The following BMERB1 variants were observed in gnomAD, a reference collection of about 807,000 sequenced individuals.
BMERB1 encodes the protein bMERB domain-containing protein 1.
BMERB1 carries 12 observed loss-of-function variants against 23.6 expected under a neutral mutation model. The observed-to-expected ratio is 0.51, with a 90% CI of 0.33 to 0.82. The LOEUF is 0.82. BMERB1 is among the 40% of genes least tolerant of loss of function. The pLI is 0.03. For synonymous variants in BMERB1, 122 were observed against 96.6 expected (o/e 1.26, Z -1.54); for missense variants, 247 against 255.4 (o/e 0.97, Z 0.22).
intron 1 of BMERB1, among the ~76,000 whole-genome samples, chr16:15,472,910 T>G (rs1328468929): frequency 6.7e-6 from 1 of 148,326 alleles, no homozygotes; most frequent in African/African-American, 2.5e-5. Flanking sequence ...CAGGCTGGAG[T>G]GCAGTGGCAT....
chr16:15,554,214 T>G (rs1014003202), intron 2 of BMERB1, among the ~76,000 whole-genome samples: 4 of 152,160 alleles, frequency 2.6e-5, no homozygotes, highest in Non-Finnish European at 4.4e-5. Context: ...GGCTGGAGCT[T>G]TCACAGTCCC....
At chr16:15,585,240 G>A (rs1367311225) in intron 5 of BMERB1, among the ~76,000 whole-genome samples, 2 of 152,318 alleles carry the variant, frequency 1.3e-5, no homozygotes, top group East Asian at 1.9e-4. Flanking sequence ...TAGCAGCATG[G>A]AGGAGGAGCA....
intron 3 of BMERB1, among the ~76,000 whole-genome samples, chr16:15,571,530 ATTTT>A (rs1311315227): frequency 6.6e-6 from 1 of 151,690 alleles, no homozygotes; most frequent in East Asian, 1.9e-4. Flanking sequence ...AATTTTTTGT[ATTTT>A]TAGTAGAGGT....
intron 2 of BMERB1, among the ~76,000 whole-genome samples, chr16:15,536,331 C>G (rs1044416205): frequency 6.6e-6 from 1 of 152,052 alleles, no homozygotes; most frequent in Non-Finnish European, 1.5e-5. Context: ...GCTTGGCAGA[C>G]GAGGCAGCAG....
intron 1 of BMERB1, among the ~76,000 whole-genome samples, chr16:15,486,429 C>G (rs897354159): frequency 1.3e-5 from 2 of 152,178 alleles, no homozygotes; most frequent in African/African-American, 4.8e-5. Flanking sequence ...TACCTCTTGA[C>G]TGTTTTTCTC....
chr16:15,525,784 C>G (rs927633310), intron 2 of BMERB1, among the ~76,000 whole-genome samples: 1 of 151,950 alleles, frequency 6.6e-6, no homozygotes, highest in Non-Finnish European at 1.5e-5. Flanking sequence ...GGTTCTGTTT[C>G]TCTGGAGAAC....
intron 2 of BMERB1, among the ~76,000 whole-genome samples, chr16:15,542,316 A>C (rs2052094375): frequency 6.6e-6 from 1 of 150,934 alleles, no homozygotes; most frequent in Non-Finnish European, 1.5e-5. Flanking sequence ...GCCGGCCTGG[A>C]CCTCCCAAAG....
chr16:15,498,580 TGGGAA>T (rs149744375), intron 1 of BMERB1, among the ~76,000 whole-genome samples: 2,616 of 111,894 alleles, frequency 0.023, 73 homozygotes, highest in African/African-American at 0.08. Context: ...CAAAAGGAAA[TGGGAA>T]GGGAAGGGAA....
At chr16:15,525,222 T>G (rs933398652) in intron 2 of BMERB1, among the ~76,000 whole-genome samples, 1 of 152,308 alleles carries the variant, frequency 6.6e-6, no homozygotes, top group East Asian at 1.9e-4. Context: ...GCCTGATTGC[T>G]TGGGCTGGGA....
intron 1 of BMERB1, 23 bp downstream of exon 1, chr16:15,434,782 G>A (rs1397048198): frequency 4.4e-6 from 2 of 459,264 alleles, no homozygotes; most frequent in Non-Finnish European, 8.5e-6. Flanking sequence ...GCGGGGGGCG[G>A]GGGGCCGGGG....
rs758973857 is a variant in BMERB1, at chr16:15,587,484, T to C, written c.*655T>C. On this transcript the variant is annotated 3_prime_UTR_variant, in exon 6 of 6. Transcript: ENST00000300006. ...ACAGTTCACATCAGGACAGCGTCCA[T>C]TGTGCTCTCAGTCTGCCTCAGGTGT... 1.6e-5 allele frequency: 7 copies of C among 427,148 alleles called. No homozygotes were observed. Among genetic ancestry groups the C allele is most frequent in the African/African-American group, 4.1e-5 (2 of 49,080 alleles). 26.5% of individuals were successfully genotyped at this position (427,148 alleles called of 1,614,324 possible). A position where few individuals can be genotyped will look rare whatever the true frequency, so the allele number is the denominator to read the frequency against.
At chr16:15,495,127 G>A (rs374212236) in intron 1 of BMERB1, among the ~76,000 whole-genome samples, 44 of 151,904 alleles carry the variant, frequency 2.9e-4, no homozygotes, top group Non-Finnish European at 5.2e-4. Flanking sequence ...CAAGTGATCC[G>A]CCTACCTCGG....
chr16:15,516,354 A>C (rs1441667436), intron 2 of BMERB1, among the ~76,000 whole-genome samples: 1 of 152,198 alleles, frequency 6.6e-6, no homozygotes, highest in Admixed American at 6.5e-5. Context: ...CAGGGGTTCA[A>C]GACTGCAGTG....
At chr16:15,562,060 C>T (rs1164372734) in intron 2 of BMERB1, among the ~76,000 whole-genome samples, 1 of 151,906 alleles carries the variant, frequency 6.6e-6, no homozygotes, top group Non-Finnish European at 1.5e-5. Flanking sequence ...ATCATCCCAG[C>T]ACTTTGGGAA....
chr16:15,502,435 C>T (rs1781730651), intron 1 of BMERB1: 13 of 1,404,338 alleles, frequency 9.3e-6, no homozygotes, highest in Admixed American at 2.0e-5. Flanking sequence ...TGGGAGAAAT[C>T]GAGCAGCCAG....
intron 1 of BMERB1, among the ~76,000 whole-genome samples, chr16:15,498,213 A>G (rs1266290199): frequency 1.3e-5 from 2 of 151,914 alleles, no homozygotes; most frequent in East Asian, 3.9e-4. Flanking sequence ...GGTAAGTCTC[A>G]TACCTGTGCC....
intron 1 of BMERB1, among the ~76,000 whole-genome samples, chr16:15,501,752 C>T (rs1360464038): frequency 1.3e-5 from 2 of 152,022 alleles, no homozygotes; most frequent in East Asian, 1.9e-4. Flanking sequence ...GGATTACAGG[C>T]GTGAGTGAGC....
intron 1 of BMERB1, among the ~76,000 whole-genome samples, chr16:15,473,770 T>A (rs2051251947): frequency 6.6e-6 from 1 of 152,198 alleles, no homozygotes; most frequent in Admixed American, 6.5e-5. Flanking sequence ...TTCCTTCTAG[T>A]TGCCATGGTT....
At chr16:15,486,201 C>CA (rs35607256) in intron 1 of BMERB1, among the ~76,000 whole-genome samples, 37,920 of 104,024 alleles carry the variant, frequency 0.36, 6,092 homozygotes, top group East Asian at 0.57. Context: ...GACTCCATCT[C>CA]AAAAAAAAAA....
Sources: gnomAD v4.1 joint callset for allele counts (sites outside exome capture counted in the v4.1 genomes callset) on GRCh38, gnomAD v4.1.1 for gene constraint, MANE v1.5 for transcripts, NCBI Gene and HGNC (gene_info 2026-07-23, HGNC 2026-07-21) for gene names.